The following SLC35A2 variants were observed in gnomAD, a reference collection of about 807,000 sequenced individuals.
SLC35A2 encodes the protein solute carrier family 35 member A2, also known as UDP-galactose translocator.
In SLC35A2, 1 loss-of-function variant was observed where a neutral mutation model predicts 17.3. That is an observed-to-expected ratio of 0.06 (90% confidence interval 0.02 to 0.27). SLC35A2 has a LOEUF of 0.27. Ranked by LOEUF, SLC35A2 falls within the 10% of genes least tolerant of loss-of-function variation. The pLI is 1.00. For missense variants in SLC35A2, 191 were observed against 339.3 expected (o/e 0.56, Z 3.43); for synonymous variants, 161 against 161.3 (o/e 1.00, Z 0.01).
At chrX:48,904,137 C>G in intron 4 of SLC35A2, 1 of 772,668 alleles carries the variant, frequency 1.3e-6, no homozygotes, top group Non-Finnish European at 1.5e-6. Flanking sequence ...AATCTTAGCT[C>G]TTGTCCCTTT....
chrX:48,906,098 C>T, intron 3 of SLC35A2: 1 of 419,607 alleles, frequency 2.4e-6, no homozygotes, highest in Non-Finnish European at 4.1e-6. Flanking sequence ...AGAATCCAGG[C>T]TCTTTAACCA....
intron 2 of SLC35A2, among the ~76,000 whole-genome samples, chrX:48,909,455 C>A (rs917557695): frequency 1.8e-5 from 2 of 112,932 alleles, no homozygotes; most frequent in Non-Finnish European, 1.9e-5. Context: ...TTGTTTAAAG[C>A]GGCCATGAGT....
chrX:48,911,847 C>T (rs1602348317), upstream of SLC35A2: 1 of 1,167,396 alleles, frequency 8.6e-7, no homozygotes. Flanking sequence ...ACGGCCCGAT[C>T]GGCCTACCCA....
rs782804234 is a variant in SLC35A2 at position 48,909,869 on chromosome X, C to T, written c.219G>A (p.Met73Ile). Residue 73 changes from methionine to isoleucine, a missense_variant, in exon 2 of 5, where the codon ATG becomes ATA. Around this residue, in one of 2 missense-constraint regions of SLC35A2, gnomAD observed 164 missense variants for 315.3 expected, o/e 0.52. Transcript: ENST00000247138. Reference protein sequence around the residue: ...DRFFATTAVVMAEVLKGLTCL... With the variant: ...DRFFATTAVVIAEVLKGLTCL... ...AGGTGAGACCTTTGAGCACTTCCGC[C>T]ATGACCACAGCAGTGGTGGCAAAGA... 1 of 1,210,562 alleles carries T rather than the reference C, an allele frequency of 8.3e-7. No individual in the cohort carries two copies. Among genetic ancestry groups the T allele is most frequent in the Non-Finnish European group, 1.1e-6 (1 of 894,736 alleles).
chrX:48,911,458 C>T, intron 1 of SLC35A2, 88 bp downstream of exon 1: 1 of 1,078,565 alleles, frequency 9.3e-7, no homozygotes. Context: ...ACACGGGATG[C>T]TCCCTCTCAC....
At chrX:48,904,593 G>A in intron 4 of SLC35A2, 153 bp downstream of exon 4, 1 of 1,201,658 alleles carries the variant, frequency 8.3e-7, no homozygotes. Context: ...AGAAGTCTCA[G>A]TGACCTGGGA....
Position 48,903,219 on chromosome X carries a change from G to A in SLC35A2, c.*219C>T. The A allele has an allele frequency of 9.4e-7, 1 of 1,066,892 alleles. No homozygotes were observed. The highest frequency in any genetic ancestry group is 1.3e-6 in the Non-Finnish European group (1 of 782,994). 87.9% of individuals were successfully genotyped at this position (1,066,892 alleles called of 1,213,427 possible). On this transcript the variant is annotated 3_prime_UTR_variant, in exon 5 of 5. Coordinates refer to ENST00000247138, the MANE Select transcript of SLC35A2 (RefSeq NM_005660.3). ...AACACATTTTATTTGCAAAAACTCA[G>A]CTAAGAGATAGTGTGGAGCTGGCAG...
chrX:48,904,029 C>G (rs2063465908), intron 4 of SLC35A2: 12 of 760,416 alleles, frequency 1.6e-5, no homozygotes, highest in Non-Finnish European at 1.6e-5. Flanking sequence ...TTTCCCACAC[C>G]CTGGATCATT....
At chrX:48,908,483 AGGTTGTC>A (rs782356455) in intron 2 of SLC35A2, among the ~76,000 whole-genome samples, 28 of 111,344 alleles carry the variant, frequency 2.5e-4, no homozygotes, top group Non-Finnish European at 4.7e-4. Flanking sequence ...ACACTGAACA[AGGTTGTC>A]CCAGGAACTC....
At chrX:48,907,308 C>T (rs1382194725) in intron 2 of SLC35A2, among the ~76,000 whole-genome samples, 7 of 104,483 alleles carry the variant, frequency 6.7e-5, no homozygotes, top group Admixed American at 4.1e-4. Context: ...GGCACAGTGG[C>T]GCGATCTCGG....
chrX:48,904,779 C>A lies in SLC35A2; in HGVS notation c.1130G>T (p.Arg377Leu). 1 of 1,211,474 alleles carries A rather than the reference C, an allele frequency of 8.3e-7. No homozygotes were observed. The highest frequency in any genetic ancestry group is 1.1e-6 in the Non-Finnish European group (1 of 895,295). ...AAAGGGCTCCGTGATGAGGTCTCCA[C>A]GGTGGGAAGACAGCTGCGGTGGTGG... ...QPPPPQLSSHRGDLITEPFLP... is the reference protein window; with the variant it reads ...QPPPPQLSSHLGDLITEPFLP... The change falls in exon 4 of 5, where the codon CGT (arginine) becomes CTT (leucine). Residue 377 changes from arginine (R) to leucine (L), a missense_variant. Physicochemically the swap from Arg to Leu is moderately radical, Grantham distance 102 (BLOSUM62 -2). Around this residue, in one of 2 missense-constraint regions of SLC35A2, gnomAD observed 164 missense variants for 315.3 expected, o/e 0.52. Transcript: ENST00000247138.
intron 2 of SLC35A2, 136 bp downstream of exon 2, chrX:48,909,678 A>T: frequency 1.8e-6 from 1 of 542,936 alleles, no homozygotes; most frequent in Non-Finnish European, 3.0e-6. Flanking sequence ...AGATGCCGCT[A>T]CGCATAGCTG....
chrX:48,909,216 T>C (rs377550623), intron 2 of SLC35A2, among the ~76,000 whole-genome samples: 1 of 111,883 alleles, frequency 8.9e-6, no homozygotes, highest in African/African-American at 3.3e-5. Context: ...AGGTCAGGAG[T>C]TCGAGACCAT....
At chrX:48,911,677 C>A (rs1356233634), upstream of SLC35A2, 2 of 1,155,037 alleles carry the variant, frequency 1.7e-6, no homozygotes, top group African/African-American at 1.8e-5. Flanking sequence ...AACAGAAAAA[C>A]CACTTCCGCG....
intron 4 of SLC35A2, 153 bp downstream of exon 4, chrX:48,904,591 CAG>C: frequency 8.3e-7 from 1 of 1,201,229 alleles, no homozygotes; most frequent in African/African-American, 1.7e-5. Context: ...CCAGAAGTCT[CAG>C]TGACCTGGGA....
In SLC35A2 at chrX:48,911,603, C is replaced by T; in HGVS notation, c.34G>A (p.Ala12Thr). The T allele has an allele frequency of 8.6e-7, 1 of 1,164,756 alleles. No homozygotes were observed. Among genetic ancestry groups the T allele is most frequent in the Non-Finnish European group, 1.1e-6 (1 of 874,960 alleles). ...GCGGAAACCGCCCCTGGCCCGGGCGCCGCGGTGGAACCACCAGCCCCAACC... is the reference window on the plus strand; with the variant it reads ...GCGGAAACCGCCCCTGGCCCGGGCGTCGCGGTGGAACCACCAGCCCCAACC... ...AAVGAGGSTA[A>T]PGPGAVSAGA... is the part of the protein sequence containing the mutation. Residue 12 changes from alanine to threonine, a missense_variant, in exon 1 of 5, where the codon GCG becomes ACG. Physicochemically the swap from Ala to Thr is moderately conservative, Grantham distance 58. This residue lies in a region of SLC35A2 where 27 missense variants were observed against 24.0 expected (regional missense o/e 1.12). Transcript: ENST00000247138.
intron 4 of SLC35A2, 39 bp downstream of exon 4, chrX:48,904,707 C>G (rs150818467): frequency 2.3e-5 from 28 of 1,208,433 alleles, no homozygotes; most frequent in Admixed American, 6.6e-5. Flanking sequence ...TCCCTTGTGT[C>G]CCCCCATTGC....
Position 48,904,888 on chromosome X carries a change from G to C in SLC35A2, c.1021C>G (p.Pro341Ala), listed in dbSNP as rs782526017. ...GCTATGGCTTTGGCTGCACCTCGGGGAAGGCTGTAGAGGTAGACAGCACCA... is the reference window on the plus strand; with the variant it reads ...GCTATGGCTTTGGCTGCACCTCGGGCAAGGCTGTAGAGGTAGACAGCACCA... Reference protein sequence around the residue: ...VIGAVYLYSLPRGAAKAIASA... With the variant: ...VIGAVYLYSLARGAAKAIASA... Residue 341 changes from proline (P) to alanine (A), a missense_variant, in exon 4 of 5, where the codon CCC (proline) becomes GCC (alanine). Physicochemically the swap from Pro to Ala is conservative, Grantham distance 27 (BLOSUM62 -1). Transcript: ENST00000247138. 8.3e-7 allele frequency: 1 copy of C among 1,211,531 alleles called. No individual in the cohort carries two copies. The highest frequency in any genetic ancestry group is 1.1e-6 in the Non-Finnish European group (1 of 895,202).
chrX:48,909,605 G>A lies in SLC35A2; in HGVS notation c.274+209C>T, dbSNP rs2063516435. On this transcript the variant is annotated intron_variant, in intron 2 of 4. Transcript: ENST00000247138. ...AGATCCCTGCTACTTTATAAGCATT[G>A]GCAATCTCACTCCTACAGCCCACAC... 2.6e-5 allele frequency among the ~76,000 whole-genome samples: 3 copies of A among 113,290 alleles called. No individual in the cohort carries two copies. In the Admixed American group the frequency reaches 2.8e-4, roughly 10 times the overall value.
Sources: gnomAD v4.1 joint callset for allele counts (sites outside exome capture counted in the v4.1 genomes callset) on GRCh38, gnomAD v4.1.1 for gene constraint, gnomAD v4.1.1 regional missense constraint, MANE v1.5 for transcripts, NCBI Gene and HGNC (gene_info 2026-07-23, HGNC 2026-07-21) for gene names.